MECOM: variants seen among roughly 807,000 people sequenced by gnomAD.
MECOM encodes the protein MDS1 and EVI1 complex locus.
Under a neutral mutation model 116.3 loss-of-function variants are expected in MECOM, and 13 were observed. The ratio of observed to expected loss-of-function variants is 0.11; its 90% CI spans 0.07 to 0.18. The LOEUF is 0.18. Ranked by LOEUF, MECOM falls within the 10% of genes least tolerant of loss-of-function variation. The probability of loss-of-function intolerance (pLI) is 1.00; values close to 1 mark genes in which losing one functional copy is unlikely to be tolerated. For synonymous variants in MECOM, 528 were observed against 535.2 expected (o/e 0.99, Z 0.19); for missense variants, 1,299 against 1,509.0 (o/e 0.86, Z 2.31).
intron 1 of MECOM, chr3:169,464,140 A>G (rs1347651888): frequency 6.6e-6 from 1 of 152,130 alleles, no homozygotes; most frequent in Non-Finnish European, 1.5e-5. Flanking sequence ...TGCTATTCCT[A>G]TTATCACCTG....
chr3:169,116,570 C>T lies in MECOM; in HGVS notation c.1302G>A (p.Ala434=), dbSNP rs199815249. The T allele has an allele frequency of 6.3e-5, 101 of 1,614,142 alleles. No individual in the cohort carries two copies. The East Asian group carries it at 9.4e-4, about 15-fold the overall frequency. Reference sequence around the variant, plus strand: ...TGCCTTGGCCAAAAAATCCACCTGCCGCAAAATGGTTCTTGCCCTCACAAA... The same window carrying T: ...TGCCTTGGCCAAAAAATCCACCTGCTGCAAAATGGTTCTTGCCCTCACAAA... ...RRFCEGKNHF[A]AGGFFGQGIS... is the part of the protein sequence containing the mutation. The change falls in exon 8 of 17, where the codon GCG becomes GCA. Residue 434 remains alanine (A), a synonymous_variant. Transcript: ENST00000651503.
At chr3:169,094,635 C>T (rs1026480569) in intron 13 of MECOM, among the ~76,000 whole-genome samples, 5 of 152,220 alleles carry the variant, frequency 3.3e-5, no homozygotes, top group Admixed American at 6.5e-5. Flanking sequence ...AAGAGAGGTT[C>T]TCTGAGCTGC....
At chr3:169,571,327 C>T (rs1019268501) in intron 1 of MECOM, among the ~76,000 whole-genome samples, 4 of 141,678 alleles carry the variant, frequency 2.8e-5, no homozygotes, top group Non-Finnish European at 6.1e-5. Flanking sequence ...AACCATTGCT[C>T]AAGGAAATAA....
At chr3:169,614,242 A>G (rs1048304752) in intron 1 of MECOM, among the ~76,000 whole-genome samples, 4 of 151,498 alleles carry the variant, frequency 2.6e-5, no homozygotes, top group East Asian at 1.9e-4. Context: ...TCTCTTTCCC[A>G]TACTCTTAAC....
At chr3:169,661,725 C>T (rs990853188) in intron 1 of MECOM, among the ~76,000 whole-genome samples, 2 of 152,306 alleles carry the variant, frequency 1.3e-5, no homozygotes, top group Non-Finnish European at 2.9e-5. Context: ...CGGGCTGCTG[C>T]AGGGACGCAG....
At chr3:169,246,697 T>C (rs1258209617) in intron 2 of MECOM, among the ~76,000 whole-genome samples, 1 of 152,078 alleles carries the variant, frequency 6.6e-6, no homozygotes, top group Non-Finnish European at 1.5e-5. Flanking sequence ...AATTTTTGTA[T>C]TTTTAGTAGA....
At chr3:169,104,098 G>A (rs1206915919) in intron 10 of MECOM, among the ~76,000 whole-genome samples, 1 of 152,156 alleles carries the variant, frequency 6.6e-6, no homozygotes, top group East Asian at 1.9e-4. Flanking sequence ...TCAGGGGTTT[G>A]ATTCATAATC....
chr3:169,619,920 C>A (rs1309513742), intron 1 of MECOM, among the ~76,000 whole-genome samples: 1 of 152,230 alleles, frequency 6.6e-6, no homozygotes, highest in Non-Finnish European at 1.5e-5. Flanking sequence ...CCTGGTGTCC[C>A]CCTGCGGAAC....
chr3:169,656,352 A>C (rs1247026894), intron 1 of MECOM, among the ~76,000 whole-genome samples: 1 of 152,188 alleles, frequency 6.6e-6, no homozygotes, highest in Non-Finnish European at 1.5e-5. Flanking sequence ...TTGTTATAAA[A>C]GTCAGTAGTC....
At chr3:169,183,761 TACACAC>T (rs71166249) in intron 2 of MECOM, among the ~76,000 whole-genome samples, 6,686 of 117,836 alleles carry the variant, frequency 0.057, 110 homozygotes, top group Non-Finnish European at 0.071. Context: ...GATACATACA[TACACAC>T]ACACACACAC....
At chr3:169,459,619 C>T (rs747468715) in intron 1 of MECOM, among the ~76,000 whole-genome samples, 4 of 152,212 alleles carry the variant, frequency 2.6e-5, no homozygotes, top group Non-Finnish European at 4.4e-5. Context: ...TAAATGATAA[C>T]TGTTTATATA....
chr3:169,561,678 G>A lies in MECOM; in HGVS notation c.37+101658C>T, dbSNP rs186635861. Among the ~76,000 whole-genome samples, 4 of 152,216 alleles carry A rather than the reference G, an allele frequency of 2.6e-5. No homozygotes were observed. The East Asian group carries it at 5.8e-4, about 22-fold the overall frequency. On this transcript the variant is annotated intron_variant, in intron 1 of 16. Transcript: ENST00000651503. ...GGGGTTGTGAATCCAGAGGACCTAAGTTCTAATCTGTAATGTAAAACACAC... is the reference window on the plus strand; with the variant it reads ...GGGGTTGTGAATCCAGAGGACCTAAATTCTAATCTGTAATGTAAAACACAC...
intron 2 of MECOM, among the ~76,000 whole-genome samples, chr3:169,360,643 C>T (rs917439550): frequency 6.6e-6 from 1 of 151,758 alleles, no homozygotes; most frequent in Non-Finnish European, 1.5e-5. Flanking sequence ...TGACTCACAG[C>T]CATTCTCATT....
intron 12 of MECOM, among the ~76,000 whole-genome samples, chr3:169,099,027 C>T (rs1344678370): frequency 2.6e-5 from 4 of 151,510 alleles, no homozygotes; most frequent in African/African-American, 9.7e-5. Flanking sequence ...ATTGATCTTC[C>T]CTGTAGCAGT....
In MECOM at chr3:169,102,157, G is replaced by T. The variant is rs36043407; in HGVS notation, c.2674C>A (p.Leu892Ile). Residue 892 changes from leucine (L) to isoleucine (I), a missense_variant, in exon 11 of 17, where the codon CTC (leucine) becomes ATC (isoleucine). Coordinates refer to ENST00000651503, the MANE Select transcript of MECOM (RefSeq NM_004991.4). ...AACATAGAGGGCACTGACTGTAAGA[G>T]CTCACTGGCCTCAGGTTTCAGGGCA... ...FSALKPEASE[L>I]LQSVPSMFNF... The T allele has an allele frequency of 8.1e-6, 13 of 1,613,790 alleles. No individual in the cohort carries two copies. The African/African-American group carries it at 1.5e-4, about 18-fold the overall frequency.
intron 1 of MECOM, among the ~76,000 whole-genome samples, chr3:169,497,604 C>A (rs9637465): frequency 6.6e-6 from 1 of 152,064 alleles, no homozygotes; most frequent in Non-Finnish European, 1.5e-5. Context: ...GTGATCCACC[C>A]GCCTCGGCAT....
At chr3:169,274,874 C>T (rs1227998742) in intron 2 of MECOM, among the ~76,000 whole-genome samples, 1 of 152,128 alleles carries the variant, frequency 6.6e-6, no homozygotes, top group East Asian at 1.9e-4. Flanking sequence ...GCTTAATAGA[C>T]TTTGAAGTAA....
At chr3:169,336,015 C>T (rs548301540) in intron 2 of MECOM, among the ~76,000 whole-genome samples, 12 of 152,060 alleles carry the variant, frequency 7.9e-5, no homozygotes, top group Non-Finnish European at 1.5e-4. Context: ...AGAGAATTTG[C>T]GATTTTTTAG....
intron 2 of MECOM, among the ~76,000 whole-genome samples, chr3:169,217,970 A>C (rs946510359): frequency 2.0e-5 from 3 of 151,438 alleles, no homozygotes. Flanking sequence ...TTTATTATAC[A>C]TCCTAAATTA....
Sources: allele counts gnomAD v4.1 joint callset (sites outside exome capture counted in the v4.1 genomes callset), GRCh38; gene constraint gnomAD v4.1.1; transcripts MANE v1.5; gene names NCBI Gene and HGNC (gene_info 2026-07-23, HGNC 2026-07-21).